LRRC17: variants seen among roughly 807,000 people sequenced by gnomAD.
LRRC17 encodes leucine rich repeat containing 17, also known as leucine-rich repeat-containing protein 17.
Under a neutral mutation model 41.5 loss-of-function variants are expected in LRRC17, and 33 were observed. The ratio of observed to expected loss-of-function variants is 0.80; its 90% CI spans 0.60 to 1.06. LRRC17 has a LOEUF of 1.06. Among genes scored for constraint, LRRC17 ranks in the 50% least tolerant of loss-of-function variants. LRRC17 has a pLI of 0.00. For synonymous variants in LRRC17, 192 were observed against 197.0 expected (o/e 0.97, Z 0.21); for missense variants, 491 against 519.3 (o/e 0.95, Z 0.53).
At chr7:102,935,276 G>C (rs1287671575) in intron 2 of LRRC17, among the ~76,000 whole-genome samples, 1 of 101,652 alleles carries the variant, frequency 9.8e-6, no homozygotes, top group Non-Finnish European at 1.7e-5. Context: ...TTTTGAGATG[G>C]ACTCTCGCTC....
intron 1 of LRRC17, among the ~76,000 whole-genome samples, chr7:102,932,812 C>A (rs910180559): frequency 6.6e-6 from 1 of 152,048 alleles, no homozygotes; most frequent in Non-Finnish European, 1.5e-5. Context: ...TTTCCCCATG[C>A]TGCTCAGACT....
intron 1 of LRRC17, among the ~76,000 whole-genome samples, chr7:102,926,937 C>T (rs956772754): frequency 1.3e-5 from 2 of 152,050 alleles, no homozygotes; most frequent in African/African-American, 4.8e-5. Context: ...TTTGAGATGG[C>T]TAAAATAAAA....
intron 3 of LRRC17, among the ~76,000 whole-genome samples, chr7:102,940,768 A>T (rs1199430644): frequency 2.0e-5 from 3 of 152,218 alleles, no homozygotes; most frequent in Admixed American, 6.5e-5. Context: ...TTAAGTAAAC[A>T]CATCGGATTT....
intron 3 of LRRC17, chr7:102,942,413 A>C: frequency 3.0e-6 from 4 of 1,346,742 alleles, no homozygotes; most frequent in Non-Finnish European, 4.0e-6. Context: ...AAAATGCCAG[A>C]CATTGTTGTG....
At chr7:102,933,652 TTTCTACGTCACTG>T in intron 1 of LRRC17, 109 bp from the exon 2 acceptor site, 1 of 250,140 alleles carries the variant, frequency 4.0e-6, no homozygotes, top group East Asian at 8.1e-5. Flanking sequence ...GGGAAGGAGC[TTTCTACGTCACTG>T]TTCTGTGGAA....
chr7:102,918,633 T>C lies in LRRC17; in HGVS notation c.-141+5488T>C, dbSNP rs186505363. Among the ~76,000 whole-genome samples the C allele has an allele frequency of 1.5e-4, 23 of 152,236 alleles. No homozygotes were observed. The East Asian group carries it at 2.7e-3, about 18-fold the overall frequency. On this transcript the variant is annotated intron_variant, in intron 1 of 3. Coordinates refer to ENST00000339431, the MANE Select transcript of LRRC17 (RefSeq NM_001031692.3). ...GAGTTTGAGACCAGCCTGGGGAACA[T>C]AGTGAGATCTTGTCTCTACAAAAGA...
chr7:102,924,169 C>T (rs1339769732), intron 1 of LRRC17, among the ~76,000 whole-genome samples: 3 of 148,918 alleles, frequency 2.0e-5, no homozygotes, highest in African/African-American at 5.0e-5. Context: ...ACCTGGGAGG[C>T]GAAGGTTGCG....
Position 102,917,002 on chromosome 7 carries a change from A to G in LRRC17, c.-141+3857A>G, listed in dbSNP as rs142050899. On this transcript the variant is annotated intron_variant, in intron 1 of 3. Transcript: ENST00000339431. ...TACTAAGATGAATGGAAAAGTATGTATTTAAATAAAAAATTCTCTGAAAAA... is the reference window on the plus strand; with the variant it reads ...TACTAAGATGAATGGAAAAGTATGTGTTTAAATAAAAAATTCTCTGAAAAA... Among the ~76,000 whole-genome samples, 568 of 152,254 alleles carry G rather than the reference A, an allele frequency of 3.7e-3. 5 individuals carry two copies. The highest frequency in any genetic ancestry group is 0.014 in the African/African-American group (561 of 41,542).
chr7:102,939,644 T>A, intron 3 of LRRC17, 59 bp downstream of exon 3: 1 of 1,455,622 alleles, frequency 6.9e-7, no homozygotes, highest in Non-Finnish European at 9.4e-7. Context: ...TTTTTTTCTA[T>A]GGCAACACTT....
chr7:102,913,206 G>C (rs1281179791), intron 1 of LRRC17, 61 bp downstream of exon 1: 2 of 1,614,052 alleles, frequency 1.2e-6, no homozygotes, highest in South Asian at 2.2e-5. Flanking sequence ...TCTGTAAGTT[G>C]TGGAAGTGCC....
intron 2 of LRRC17, among the ~76,000 whole-genome samples, chr7:102,935,450 A>G (rs1189856570): frequency 6.6e-6 from 1 of 151,898 alleles, no homozygotes; most frequent in African/African-American, 2.4e-5. Context: ...GAATAAAACA[A>G]TAAAAATTTA....
At position 102,933,848 on chromosome 7, in the gene LRRC17, T is replaced by C; in HGVS notation, c.-66T>C. ...TTAGTTAAGATTACCCAGACTTGGA[T>C]TTCAAAGGAATACTTTCATTGTTCC... On this transcript the variant is annotated 5_prime_UTR_variant, in exon 2 of 4. Transcript: ENST00000339431. 4.8e-6 allele frequency: 7 copies of C among 1,462,914 alleles called. No individual in the cohort carries two copies. The highest frequency in any genetic ancestry group is 6.4e-6 in the Non-Finnish European group (7 of 1,097,008). The allele number at this position is 1,462,914 out of a possible 1,614,324, so 90.6% of individuals were successfully genotyped here. A position where few individuals can be genotyped will look rare whatever the true frequency, so the allele number is the denominator to read the frequency against.
intron 1 of LRRC17, among the ~76,000 whole-genome samples, chr7:102,915,250 T>C (rs1043076184): frequency 6.6e-6 from 1 of 151,762 alleles, no homozygotes; most frequent in Admixed American, 6.6e-5. Flanking sequence ...GACAATTAAA[T>C]GAGAATACAG....
chr7:102,936,952 A>C (rs1820441746), intron 2 of LRRC17, among the ~76,000 whole-genome samples: 1 of 152,094 alleles, frequency 6.6e-6, no homozygotes, highest in African/African-American at 2.4e-5. Flanking sequence ...CTCTTGAAAA[A>C]CATCAGCTTA....
chr7:102,917,577 T>C (rs1344148317), intron 1 of LRRC17, among the ~76,000 whole-genome samples: 1 of 152,140 alleles, frequency 6.6e-6, no homozygotes, highest in Non-Finnish European at 1.5e-5. Flanking sequence ...ACTGCAGCTA[T>C]AGAGAATGTG....
chr7:102,917,450 C>A (rs1816128517), intron 1 of LRRC17, among the ~76,000 whole-genome samples: 1 of 152,094 alleles, frequency 6.6e-6, no homozygotes, highest in Non-Finnish European at 1.5e-5. Context: ...ACATGGTGAA[C>A]AAGTGAAAGA....
chr7:102,926,752 T>C (rs1818216748), intron 1 of LRRC17, among the ~76,000 whole-genome samples: 1 of 152,196 alleles, frequency 6.6e-6, no homozygotes, highest in East Asian at 1.9e-4. Flanking sequence ...TTTAAACTTA[T>C]TAAAATTATT....
At chr7:102,936,905 CT>C (rs1339115910) in intron 2 of LRRC17, among the ~76,000 whole-genome samples, 2 of 148,872 alleles carry the variant, frequency 1.3e-5, no homozygotes, top group African/African-American at 4.9e-5. Flanking sequence ...GAGCCTATTT[CT>C]GCTTTTGTGT....
chr7:102,943,566 A>G (rs13242493), intron 3 of LRRC17, among the ~76,000 whole-genome samples: 112,695 of 152,046 alleles, frequency 0.74, 42,841 homozygotes, highest in Middle Eastern at 0.83. Flanking sequence ...TTGACTAAGC[A>G]TTAAACCAGA....
Sources: gnomAD v4.1 joint callset for allele counts (sites outside exome capture counted in the v4.1 genomes callset) on GRCh38, gnomAD v4.1.1 for gene constraint, MANE v1.5 for transcripts, NCBI Gene and HGNC (gene_info 2026-07-23, HGNC 2026-07-21) for gene names.